Variants in PAIP2 observed in about 807,000 individuals in gnomAD.
PAIP2 encodes the protein polyadenylate-binding protein-interacting protein 2.
PAIP2 carries 7 observed loss-of-function variants against 14.8 expected under a neutral mutation model. The ratio of observed to expected loss-of-function variants is 0.47; its 90% CI spans 0.27 to 0.89. The LOEUF is 0.89. Among genes scored for constraint, PAIP2 ranks in the 40% least tolerant of loss-of-function variants. PAIP2 has a pLI of 0.13. For synonymous variants in PAIP2, 47 were observed against 45.3 expected (o/e 1.04, Z -0.15); for missense variants, 122 against 154.7 (o/e 0.79, Z 1.12).
At chr5:139,352,501 T>TG (rs1756770489) in intron 1 of PAIP2, among the ~76,000 whole-genome samples, 2 of 92,688 alleles carry the variant, frequency 2.2e-5, no homozygotes, top group Admixed American at 2.2e-4. Context: ...TTTTTTTTGT[T>TG]GTTTTTTTTT....
chr5:139,358,834 G>A (rs1756990652), intron 1 of PAIP2, among the ~76,000 whole-genome samples: 1 of 152,188 alleles, frequency 6.6e-6, no homozygotes. Flanking sequence ...ACAGAAAGTA[G>A]ACTAGTGGTT....
intron 1 of PAIP2, among the ~76,000 whole-genome samples, chr5:139,351,273 C>G (rs911614857): frequency 6.6e-6 from 1 of 151,322 alleles, no homozygotes; most frequent in Non-Finnish European, 1.5e-5. Context: ...TTCCCACTTA[C>G]AGGAATATAT....
In PAIP2 at chr5:139,351,687, T is replaced by A. The variant is rs1756739215; in HGVS notation, c.-27+9707T>A. On this transcript the variant is annotated intron_variant, in intron 1 of 3. Transcript: ENST00000265192. The stretch of plus-strand genomic sequence containing the variant: ...TGTGTACTTTTTACATTCATCCCTG[T>A]CACTCTTTTTTTGAGAGATGGGGTC... Among the ~76,000 whole-genome samples, 4 of 152,152 alleles carry A rather than the reference T, an allele frequency of 2.6e-5. No homozygotes were observed. In the South Asian group the frequency reaches 8.3e-4, roughly 31 times the overall value.
chr5:139,363,570 T>G (rs1472937360), intron 1 of PAIP2, among the ~76,000 whole-genome samples, 189 bp from the exon 2 acceptor site: 3 of 151,612 alleles, frequency 2.0e-5, no homozygotes, highest in Admixed American at 6.6e-5. Flanking sequence ...TAAAAAAAAT[T>G]CAGCCGGGTG....
intron 1 of PAIP2, among the ~76,000 whole-genome samples, chr5:139,349,305 G>A (rs1419408967): frequency 6.6e-6 from 1 of 152,004 alleles, no homozygotes; most frequent in African/African-American, 2.4e-5. Context: ...CTGGAGTACA[G>A]TGGTGTGATC....
chr5:139,353,352 A>G (rs949062655), intron 1 of PAIP2, among the ~76,000 whole-genome samples: 2 of 152,142 alleles, frequency 1.3e-5, no homozygotes, highest in East Asian at 1.9e-4. Context: ...GAGACTCTCA[A>G]CATATATAGG....
At chr5:139,342,793 A>ATTT (rs1314861402) in intron 1 of PAIP2, 1 of 152,080 alleles carries the variant, frequency 6.6e-6, no homozygotes, top group Non-Finnish European at 1.5e-5. Context: ...CAGCAGTGAT[A>ATTT]TTTTTTAGGG....
intron 1 of PAIP2, among the ~76,000 whole-genome samples, chr5:139,356,889 G>GAA (rs70982774): frequency 8.0e-5 from 9 of 112,456 alleles, no homozygotes; most frequent in African/African-American, 2.2e-4. Flanking sequence ...TCTGTCTCCA[G>GAA]AAAAAAAAAA....
chr5:139,357,018 A>C (rs1383947137), intron 1 of PAIP2, among the ~76,000 whole-genome samples: 1 of 152,122 alleles, frequency 6.6e-6, no homozygotes, highest in Non-Finnish European at 1.5e-5. Context: ...AGTTTAGTAA[A>C]ATTTGTATTC....
rs367802509 is a variant in PAIP2 at position 139,363,776 on chromosome 5, A to G, written c.-9A>G. On this transcript the variant is annotated 5_prime_UTR_variant, in exon 2 of 4. Transcript: ENST00000265192. ...CTTTTAAGGTTAAAAACGACAACCA[A>G]CATCAGCCATGAAAGATCCAAGTCG... 3.7e-5 allele frequency: 60 copies of G among 1,612,460 alleles called. No homozygotes were observed. The highest frequency in any genetic ancestry group is 1.6e-4 in the Middle Eastern group (1 of 6,074).
chr5:139,368,246 A>G (rs940568553), intron 3 of PAIP2, among the ~76,000 whole-genome samples: 2 of 152,044 alleles, frequency 1.3e-5, no homozygotes, highest in African/African-American at 4.8e-5. Context: ...GATGAGAGAC[A>G]GGAGAATGGT....
At chr5:139,360,644 C>T (rs1409156687) in intron 1 of PAIP2, among the ~76,000 whole-genome samples, 3 of 152,106 alleles carry the variant, frequency 2.0e-5, no homozygotes, top group African/African-American at 7.2e-5. Flanking sequence ...AGGCGTGCAC[C>T]ACTGTACCCA....
At chr5:139,345,031 G>GTTT (rs1189864432) in intron 1 of PAIP2, among the ~76,000 whole-genome samples, 1 of 151,420 alleles carries the variant, frequency 6.6e-6, no homozygotes. Context: ...GAGCCCATGG[G>GTTT]TTTTTGTTGT....
chr5:139,368,634 C>CT (rs1212388108), intron 3 of PAIP2, 99 bp from the exon 4 acceptor site: 27,858 of 612,486 alleles, frequency 0.045, 29 homozygotes, highest in South Asian at 0.055. Context: ...GTTCTTTTGT[C>CT]TTTTTTTTTT....
At chr5:139,352,488 G>GTTTTTTTTTTTTTTTTTTTTT (rs1185620394) in intron 1 of PAIP2, among the ~76,000 whole-genome samples, 14 of 94,816 alleles carry the variant, frequency 1.5e-4, no homozygotes, top group African/African-American at 4.1e-4. Flanking sequence ...ATTCCTGCCA[G>GTTTTTTTTTTTTTTTTTTTTT]TTTTTTTTTT....
intron 1 of PAIP2, among the ~76,000 whole-genome samples, chr5:139,363,256 A>C (rs1346044321): frequency 6.6e-6 from 1 of 151,990 alleles, no homozygotes; most frequent in Non-Finnish European, 1.5e-5. Flanking sequence ...AAAAAAGAAA[A>C]CATTAGATGT....
chr5:139,343,468 C>T (rs1192068336), intron 1 of PAIP2: 1 of 152,122 alleles, frequency 6.6e-6, no homozygotes. Context: ...CTTAAATAAG[C>T]ACTCTGCACT....
At chr5:139,363,954 T>G (rs1171318443) in intron 2 of PAIP2, 32 bp downstream of exon 2, 2 of 1,593,922 alleles carry the variant, frequency 1.3e-6, no homozygotes, top group Non-Finnish European at 1.7e-6. Context: ...GTTTTTATAG[T>G]CCATTCTGGC....
chr5:139,362,383 G>GC (rs1757091570), intron 1 of PAIP2, among the ~76,000 whole-genome samples: 1 of 146,656 alleles, frequency 6.8e-6, no homozygotes, highest in Admixed American at 6.9e-5. Context: ...ACCATGCCCA[G>GC]CTAAATTTTT....
Sources: allele counts gnomAD v4.1 joint callset (sites outside exome capture counted in the v4.1 genomes callset), GRCh38; gene constraint gnomAD v4.1.1; transcripts MANE v1.5; gene names NCBI Gene and HGNC (gene_info 2026-07-23, HGNC 2026-07-21).